Variants in EYS observed in about 807,000 individuals in gnomAD.
EYS encodes protein eyes shut homolog.
EYS carries 250 observed loss-of-function variants against 282.1 expected under a neutral mutation model. The observed-to-expected ratio is 0.89, with a 90% CI of 0.80 to 0.98. The LOEUF is 0.98. Ranked by LOEUF, EYS falls within the 50% of genes least tolerant of loss-of-function variation. EYS has a pLI of 0.00. For synonymous variants in EYS, 1,355 were observed against 1,282.9 expected (o/e 1.06, Z -1.20); for missense variants, 4,016 against 3,709.0 (o/e 1.08, Z -2.15).
At chr6:64,643,536 G>A (rs1303520644) in intron 22 of EYS, among the ~76,000 whole-genome samples, 2 of 152,120 alleles carry the variant, frequency 1.3e-5, no homozygotes, top group East Asian at 3.9e-4. Context: ...TAGGTGTAGG[G>A]AAGTGTGTGG....
intron 12 of EYS, among the ~76,000 whole-genome samples, chr6:65,258,362 G>A (rs1044009461): frequency 7.2e-5 from 11 of 152,134 alleles, no homozygotes; most frequent in African/African-American, 2.4e-4. Flanking sequence ...CAATTTCCCT[G>A]TGATATAGGT....
intron 36 of EYS, among the ~76,000 whole-genome samples, chr6:63,814,470 C>T (rs150906594): frequency 7.8e-4 from 118 of 152,248 alleles, no homozygotes; most frequent in Middle Eastern, 3.4e-3. Context: ...AAATTATTCA[C>T]GTATTCTATA....
In EYS at chr6:63,863,681, T is replaced by TTTCTTTTC. The variant is rs58002234; in HGVS notation, c.7228+504_7228+505insGAAAAGAA. On this transcript the variant is annotated intron_variant, in intron 36 of 42. Transcript: ENST00000503581. ...TTCTTTTCTTTTCTTTTTTCTTTTTTTTTTTTTTTTTTGAGATGGAGTCTC... is the reference window on the plus strand; with the variant it reads ...TTCTTTTCTTTTCTTTTTTCTTTTTTTTCTTTTCTTTTTTTTTTTTGAGATGGAGTCTC... Among the ~76,000 whole-genome samples, 4 of 141,070 alleles carry TTTCTTTTC rather than the reference T, an allele frequency of 2.8e-5. No individual in the cohort carries two copies. The East Asian group carries it at 6.2e-4, about 22-fold the overall frequency. 92.5% of individuals were successfully genotyped at this position (141,070 alleles called of 152,430 possible). A position where few individuals can be genotyped will look rare whatever the true frequency, so the allele number is the denominator to read the frequency against.
At chr6:64,012,826 T>C (rs1178687843) in intron 33 of EYS, among the ~76,000 whole-genome samples, 2 of 152,186 alleles carry the variant, frequency 1.3e-5, no homozygotes, top group African/African-American at 2.4e-5. Flanking sequence ...AGGACTTTTG[T>C]CTAGCAAAAG....
At chr6:65,343,945 G>T (rs1222811595) in intron 10 of EYS, 93 bp downstream of exon 10, 3 of 1,092,926 alleles carry the variant, frequency 2.7e-6, no homozygotes, top group Non-Finnish European at 4.2e-6. Context: ...GAATATTTAA[G>T]AATCTGTAAC....
intron 29 of EYS, among the ~76,000 whole-genome samples, chr6:64,343,037 A>C (rs1163317419): frequency 1.3e-5 from 2 of 152,138 alleles, no homozygotes; most frequent in African/African-American, 4.8e-5. Context: ...CCAATACAGG[A>C]GCACCCAGAT....
intron 13 of EYS, among the ~76,000 whole-genome samples, chr6:65,022,784 TA>T (rs1170646283): frequency 6.6e-6 from 1 of 151,662 alleles, no homozygotes; most frequent in Non-Finnish European, 1.5e-5. Context: ...TCAGTATTTA[TA>T]AAACTTCATT....
In EYS at chr6:64,436,310, A is replaced by G. The variant is rs759018783; in HGVS notation, c.5836-45T>C. On this transcript the variant is annotated intron_variant, in intron 27 of 42. Coordinates refer to ENST00000503581, the MANE Select transcript of EYS (RefSeq NM_001142800.2). ...TGTCCTCAAACAGTTTTTCAGCATG[A>G]AATTAATACCATATATTTGCACTGG... 1.4e-5 allele frequency: 14 copies of G among 970,822 alleles called. No individual in the cohort carries two copies. In the Admixed American group the frequency reaches 2.5e-4, roughly 17 times the overall value. The allele number at this position is 970,822 out of a possible 1,614,324, so 60.1% of individuals were successfully genotyped here.
chr6:64,959,703 C>T (rs1432983375), intron 14 of EYS, among the ~76,000 whole-genome samples: 1 of 151,898 alleles, frequency 6.6e-6, no homozygotes, highest in Non-Finnish European at 1.5e-5. Context: ...ATTTTTATTG[C>T]CTTATTTATA....
intron 22 of EYS, among the ~76,000 whole-genome samples, chr6:64,685,165 T>C (rs1770045490): frequency 6.6e-6 from 1 of 152,072 alleles, no homozygotes; most frequent in African/African-American, 2.4e-5. Context: ...ATGGGAAACA[T>C]TACCAGAGAT....
rs533196062 is a variant in EYS, at chr6:64,507,288, C to G, written c.5645-67936G>C. On this transcript the variant is annotated intron_variant, in intron 26 of 42. Coordinates refer to ENST00000503581, the MANE Select transcript of EYS (RefSeq NM_001142800.2). ...GCTGGAAACCAACATTCTCAGCAAA[C>G]TATTGCAAGGATATAAAATTGTTGT... 2.9e-3 allele frequency among the ~76,000 whole-genome samples: 444 copies of G among 152,080 alleles called. 2 individuals are homozygous for G. The highest frequency in any genetic ancestry group is 0.01 in the African/African-American group (415 of 41,478).
chr6:64,000,742 T>C (rs1768057990), intron 33 of EYS, among the ~76,000 whole-genome samples: 1 of 152,162 alleles, frequency 6.6e-6, no homozygotes, highest in Non-Finnish European at 1.5e-5. Context: ...CCTTGCCTAC[T>C]AGGTAATAAG....
intron 26 of EYS, among the ~76,000 whole-genome samples, chr6:64,582,874 T>A (rs1489282217): frequency 6.6e-6 from 1 of 152,078 alleles, no homozygotes; most frequent in Non-Finnish European, 1.5e-5. Flanking sequence ...TGCTAGCAGA[T>A]GTACAGGAAA....
At chr6:65,636,506 A>T (rs575391216) in intron 2 of EYS, among the ~76,000 whole-genome samples, 1 of 152,298 alleles carries the variant, frequency 6.6e-6, no homozygotes, top group African/African-American at 2.4e-5. Context: ...CTCAAATTTG[A>T]TTACCTCAGT....
chr6:64,786,515 C>G (rs959701661), intron 22 of EYS, among the ~76,000 whole-genome samples: 2 of 152,118 alleles, frequency 1.3e-5, no homozygotes, highest in Admixed American at 1.3e-4. Flanking sequence ...TGGGGATATG[C>G]GGGGGCAGTC....
chr6:64,365,759 T>C (rs1772161730), intron 29 of EYS, among the ~76,000 whole-genome samples: 1 of 151,988 alleles, frequency 6.6e-6, no homozygotes, highest in African/African-American at 2.4e-5. Flanking sequence ...AAGTATAAAC[T>C]AGAACAATTA....
At chr6:64,518,787 C>T (rs189437662) in intron 26 of EYS, among the ~76,000 whole-genome samples, 1 of 150,996 alleles carries the variant, frequency 6.6e-6, no homozygotes, top group African/African-American at 2.4e-5. Flanking sequence ...GGGGCCCCCC[C>T]CTTCTCAGGG....
intron 12 of EYS, among the ~76,000 whole-genome samples, chr6:65,244,402 CTAAA>C (rs963594166): frequency 6.6e-5 from 10 of 152,136 alleles, no homozygotes; most frequent in Non-Finnish European, 1.3e-4. Flanking sequence ...AAATGTCTCC[CTAAA>C]TAATGTATTT....
At position 64,172,221 on chromosome 6, in the gene EYS, T is replaced by A. The variant is rs189714014; in HGVS notation, c.6424+58371A>T. On this transcript the variant is annotated intron_variant, in intron 31 of 42. Coordinates refer to ENST00000503581, the MANE Select transcript of EYS (RefSeq NM_001142800.2). ...TACTTTCTTTGTCATCTTTTTTTTT[T>A]AATTCTGGTAAGAACACTTAACTTG... Among the ~76,000 whole-genome samples the A allele has an allele frequency of 5.3e-5, 8 of 152,258 alleles. No homozygotes were observed. The East Asian group carries it at 9.6e-4, about 18-fold the overall frequency.
Sources: gnomAD v4.1 joint callset for allele counts (sites outside exome capture counted in the v4.1 genomes callset) on GRCh38, gnomAD v4.1.1 for gene constraint, MANE v1.5 for transcripts, NCBI Gene and HGNC (gene_info 2026-07-23, HGNC 2026-07-21) for gene names.